The following COPS8 variants were observed in gnomAD, a reference collection of about 807,000 sequenced individuals.
COPS8 encodes the protein COP9 signalosome complex subunit 8.
COPS8 carries 11 observed loss-of-function variants against 31.5 expected under a neutral mutation model. The observed-to-expected ratio is 0.35, with a 90% CI of 0.22 to 0.58. The LOEUF (loss-of-function observed/expected upper bound fraction) is 0.58, where lower values mean the gene tolerates loss of function less well. COPS8 is among the 20% of genes least tolerant of loss of function. The pLI is 0.83. For synonymous variants in COPS8, 81 were observed against 89.3 expected (o/e 0.91, Z 0.52); for missense variants, 215 against 255.1 (o/e 0.84, Z 1.07).
At chr2:237,087,230 A>G in intron 2 of COPS8, 33 bp downstream of exon 2, 5 of 1,497,870 alleles carry the variant, frequency 3.3e-6, no homozygotes, top group Non-Finnish European at 4.6e-6. Context: ...TAAGAGCAAC[A>G]GGTTTCTCAA....
chr2:237,097,224 CTTTTTTTT>C (rs996251270), intron 7 of COPS8, among the ~76,000 whole-genome samples: 1 of 95,988 alleles, frequency 1.0e-5, no homozygotes, highest in Non-Finnish European at 2.2e-5. Flanking sequence ...TGTGGGTTTT[CTTTTTTTT>C]TTTTTTTTTT....
intron 6 of COPS8, among the ~76,000 whole-genome samples, chr2:237,096,119 A>G (rs1411979838): frequency 6.6e-6 from 1 of 152,148 alleles, no homozygotes; most frequent in East Asian, 1.9e-4. Context: ...TGGTCCTTAC[A>G]CCTTAGTTTT....
At chr2:237,086,122 G>A (rs1696606710) in intron 1 of COPS8, 80 bp downstream of exon 1, 4 of 1,341,456 alleles carry the variant, frequency 3.0e-6, no homozygotes, top group East Asian at 5.0e-5. Flanking sequence ...GGGTAACGGG[G>A]TCTGAGGCTA....
Position 237,099,590 on chromosome 2 carries a change from G to A in COPS8, c.*1848G>A, listed in dbSNP as rs1044279788. Reference sequence around the variant, plus strand: ...ACCCCAGTAATCTTAAATTTGACATGGAAACCTCATTATATGCTTTATTTT... The same window carrying A: ...ACCCCAGTAATCTTAAATTTGACATAGAAACCTCATTATATGCTTTATTTT... On this transcript the variant is annotated 3_prime_UTR_variant, in exon 8 of 8. Transcript: ENST00000354371. 4 of 151,990 alleles carry A rather than the reference G, an allele frequency of 2.6e-5. No individual in the cohort carries two copies. Among genetic ancestry groups the A allele is most frequent in the African/African-American group, 9.7e-5 (4 of 41,376 alleles). The allele number at this position is 151,990 out of a possible 1,614,324, so 9.4% of individuals were successfully genotyped here.
chr2:237,088,133 T>C (rs139895666), intron 2 of COPS8, among the ~76,000 whole-genome samples: 6 of 152,164 alleles, frequency 3.9e-5, no homozygotes, highest in Non-Finnish European at 7.3e-5. Flanking sequence ...ATATGTTTGT[T>C]GTAGTTCAAG....
At chr2:237,086,074 C>T (rs767109223) in intron 1 of COPS8, 32 bp downstream of exon 1, 12 of 1,590,320 alleles carry the variant, frequency 7.5e-6, no homozygotes, top group Non-Finnish European at 9.5e-6. Flanking sequence ...GGAGAAACTG[C>T]GGAGTAGTCT....
chr2:237,096,605 C>A, intron 6 of COPS8: 1 of 606,828 alleles, frequency 1.6e-6, no homozygotes, highest in Non-Finnish European at 2.9e-6. Flanking sequence ...TGTGCTCAGC[C>A]CTTTGAGTTA....
At chr2:237,095,972 G>A (rs2106347177) in intron 6 of COPS8, 88 bp downstream of exon 6, 8 of 901,838 alleles carry the variant, frequency 8.9e-6, no homozygotes, top group Non-Finnish European at 1.5e-5. Context: ...ATAATTGGAT[G>A]TAAAATTCGG....
Position 237,088,733 on chromosome 2 carries a change from TTCTA to T in COPS8, c.198+84_198+87del, listed in dbSNP as rs1371863911. The T allele has an allele frequency of 8.7e-5, 77 of 882,550 alleles. No individual in the cohort carries two copies. In the African/African-American group the frequency reaches 1.2e-3, roughly 14 times the overall value. 54.7% of individuals were successfully genotyped at this position (882,550 alleles called of 1,614,324 possible). ...TGGCAACCTTTTATAAGCTTATGTTTTCTATCTGACGTCCTAGTAATAGTCATCA... is the reference window on the plus strand; with the variant it reads ...TGGCAACCTTTTATAAGCTTATGTTTTCTGACGTCCTAGTAATAGTCATCA... On this transcript the variant is annotated intron_variant, in intron 3 of 7. Coordinates refer to ENST00000354371, the MANE Select transcript of COPS8 (RefSeq NM_006710.5).
At chr2:237,087,092 G>GTTGTT (rs138951874) in intron 1 of COPS8, 35 bp from the exon 2 acceptor site, 128,384 of 1,411,658 alleles carry the variant, frequency 0.091, 7,066 homozygotes, top group Non-Finnish European at 0.1. Flanking sequence ...AAAATTTTGT[G>GTTGTT]TTGTTTTGTT....
rs1372169103 is a variant in COPS8 at position 237,085,989 on chromosome 2, A to G, written c.25A>G (p.Ser9Gly). Residue 9 changes from serine (S) to glycine (G), a missense_variant, in exon 1 of 8, where the codon AGC (serine) becomes GGC (glycine). Ser to Gly is a moderately conservative substitution (Grantham distance 56, BLOSUM62 0). Coordinates refer to ENST00000354371, the MANE Select transcript of COPS8 (RefSeq NM_006710.5). ...GATGCCAGTGGCGGTGATGGCGGAA[A>G]GCGCCTTTAGTTTCAAAAAGTTGCT... MPVAVMAE[S>G]AFSFKKLLDQ... The G allele has an allele frequency of 8.1e-6, 13 of 1,613,108 alleles. No individual in the cohort carries two copies. Among genetic ancestry groups the G allele is most frequent in the Non-Finnish European group, 1.1e-5 (13 of 1,179,434 alleles).
chr2:237,092,580 CT>C (rs1331646784), intron 4 of COPS8, among the ~76,000 whole-genome samples: 1 of 151,926 alleles, frequency 6.6e-6, no homozygotes, highest in Non-Finnish European at 1.5e-5. Context: ...ATTGTTGGCT[CT>C]TTTCCATTGT....
At chr2:237,089,304 TCATA>T in intron 3 of COPS8, among the ~76,000 whole-genome samples, 1 of 152,284 alleles carries the variant, frequency 6.6e-6, no homozygotes, top group South Asian at 2.1e-4. Flanking sequence ...TTTTTTTCCC[TCATA>T]CATTCTGTTC....
At chr2:237,092,849 C>G (rs1696730742) in intron 4 of COPS8, among the ~76,000 whole-genome samples, 1 of 152,058 alleles carries the variant, frequency 6.6e-6, no homozygotes, top group Non-Finnish European at 1.5e-5. Flanking sequence ...GAGTCGTGCC[C>G]CATTTTGGTC....
At position 237,096,815 on chromosome 2, in the gene COPS8, A is replaced by C. The variant is rs1417581604; in HGVS notation, c.503-7A>C. On this transcript the variant is annotated splice_polypyrimidine_tract_variant and splice_region_variant and intron_variant, in intron 6 of 7. Transcript: ENST00000354371. ...AATTGAGCTGTACATTTTTTTTTTGAATTTAGTTGCAGGGGCCCTGGATGT... is the reference window on the plus strand; with the variant it reads ...AATTGAGCTGTACATTTTTTTTTTGCATTTAGTTGCAGGGGCCCTGGATGT... 1 of 1,604,598 alleles carries C rather than the reference A, an allele frequency of 6.2e-7. No individual in the cohort carries two copies. The highest frequency in any genetic ancestry group is 8.5e-7 in the Non-Finnish European group (1 of 1,175,028).
intron 4 of COPS8, among the ~76,000 whole-genome samples, chr2:237,092,945 C>G (rs957235250): frequency 1.3e-5 from 2 of 152,116 alleles, no homozygotes; most frequent in Admixed American, 1.3e-4. Flanking sequence ...ATAAGAGATA[C>G]CCCTTCCTGT....
rs193060619 is a variant in COPS8, at chr2:237,099,061, A to C, written c.*1319A>C. On this transcript the variant is annotated 3_prime_UTR_variant, in exon 8 of 8. Coordinates refer to ENST00000354371, the MANE Select transcript of COPS8 (RefSeq NM_006710.5). ...CAGGTATTAAGTACAAATTGTATCC[A>C]TGGTTATTTTTTAAAAGCAGATTAG... 1 of 152,152 alleles carries C rather than the reference A, an allele frequency of 6.6e-6. No homozygotes were observed. Among genetic ancestry groups the C allele is most frequent in the Non-Finnish European group, 1.5e-5 (1 of 68,018 alleles). The allele number at this position is 152,152 out of a possible 1,614,324, so 9.4% of individuals were successfully genotyped here.
In COPS8 at chr2:237,093,974, G is replaced by T. The variant is rs933226870; in HGVS notation, c.332-116G>T. The T allele has an allele frequency of 1.3e-5, 19 of 1,461,406 alleles. No homozygotes were observed. The African/African-American group carries it at 2.4e-4, about 18-fold the overall frequency. The allele number at this position is 1,461,406 out of a possible 1,614,324, so 90.5% of individuals were successfully genotyped here. A position where few individuals can be genotyped will look rare whatever the true frequency, so the allele number is the denominator to read the frequency against. Reference sequence around the variant, plus strand: ...GTATCTATAAGCACAGAAATCTTTGGGTTCATCTGGCCTTGCTTATGAAAA... The same window carrying T: ...GTATCTATAAGCACAGAAATCTTTGTGTTCATCTGGCCTTGCTTATGAAAA... On this transcript the variant is annotated intron_variant, in intron 4 of 7. Transcript: ENST00000354371.
intron 3 of COPS8, 37 bp from the exon 4 acceptor site, chr2:237,089,825 G>T (rs766881393): frequency 6.2e-7 from 1 of 1,602,940 alleles, no homozygotes; most frequent in Non-Finnish European, 8.5e-7. Flanking sequence ...TGCATTTACA[G>T]AGTGAATACC....
Sources: allele counts gnomAD v4.1 joint callset (sites outside exome capture counted in the v4.1 genomes callset), GRCh38; gene constraint gnomAD v4.1.1; transcripts MANE v1.5; gene names NCBI Gene and HGNC (gene_info 2026-07-23, HGNC 2026-07-21).